The following FNDC3A variants were observed in gnomAD, a reference collection of about 807,000 sequenced individuals.
FNDC3A encodes fibronectin type III domain containing 3A.
FNDC3A carries 32 observed loss-of-function variants against 148.9 expected under a neutral mutation model. That is an observed-to-expected ratio of 0.21 (90% CI 0.16 to 0.29). The LOEUF (loss-of-function observed/expected upper bound fraction) is 0.29, where lower values mean the gene tolerates loss of function less well. FNDC3A is among the 10% of genes least tolerant of loss of function. The pLI is 1.00. For missense variants in FNDC3A, 1,191 were observed against 1,452.8 expected (o/e 0.82, Z 2.93); for synonymous variants, 472 against 473.6 (o/e 1.00, Z 0.04).
chr13:48,977,700 G>A (rs1404273520), intron 1 of FNDC3A, among the ~76,000 whole-genome samples: 2 of 152,192 alleles, frequency 1.3e-5, no homozygotes, highest in East Asian at 3.8e-4. Context: ...TAGCTTTGTA[G>A]CCTACTAATC....
chr13:49,174,933 G>C (rs187578034), intron 12 of FNDC3A, among the ~76,000 whole-genome samples: 1 of 152,288 alleles, frequency 6.6e-6, no homozygotes, highest in Non-Finnish European at 1.5e-5. Flanking sequence ...AAGAGTCATT[G>C]AAATTATTTT....
At chr13:49,191,654 AAT>A (rs1460313138) in intron 19 of FNDC3A, among the ~76,000 whole-genome samples, 1 of 152,190 alleles carries the variant, frequency 6.6e-6, no homozygotes, top group Non-Finnish European at 1.5e-5. Context: ...AGGCAGTGTT[AAT>A]AGAGTTTACT....
chr13:49,107,178 AATTTT>A (rs1214800275), intron 3 of FNDC3A, among the ~76,000 whole-genome samples: 1 of 152,202 alleles, frequency 6.6e-6, no homozygotes, highest in African/African-American at 2.4e-5. Flanking sequence ...GCATAATCAA[AATTTT>A]ATTTAAAATG....
In FNDC3A at chr13:49,016,423, T is replaced by G. The variant is rs1429481189; in HGVS notation, c.99+10134T>G. ...TTTGTAGTATTCTCTGATGGTAGTTTGTATTTCTGTGGGATCTGGTGATAT... is the reference window on the plus strand; with the variant it reads ...TTTGTAGTATTCTCTGATGGTAGTTGGTATTTCTGTGGGATCTGGTGATAT... On this transcript the variant is annotated intron_variant, in intron 2 of 25. Coordinates refer to ENST00000492622, the MANE Select transcript of FNDC3A (RefSeq NM_001079673.2). Among the ~76,000 whole-genome samples, 3 of 152,224 alleles carry G rather than the reference T, an allele frequency of 2.0e-5. No individual in the cohort carries two copies. The East Asian group carries it at 5.8e-4, about 29-fold the overall frequency.
intron 13 of FNDC3A, 106 bp downstream of exon 13, chr13:49,175,647 G>A: frequency 3.1e-6 from 2 of 649,486 alleles, no homozygotes; most frequent in South Asian, 2.2e-5. Context: ...CATGTCATCT[G>A]CAAATAGAGA....
chr13:49,015,848 C>G (rs1186455297), intron 2 of FNDC3A, among the ~76,000 whole-genome samples: 1 of 151,736 alleles, frequency 6.6e-6, no homozygotes, highest in Non-Finnish European at 1.5e-5. Flanking sequence ...TTTTCTGCAT[C>G]TATTGAGATA....
chr13:49,106,083 A>G (rs975521810), intron 3 of FNDC3A, among the ~76,000 whole-genome samples: 1 of 152,174 alleles, frequency 6.6e-6, no homozygotes. Context: ...AGTCTTAAAC[A>G]TGCCAGTCAT....
intron 2 of FNDC3A, among the ~76,000 whole-genome samples, chr13:49,026,339 G>C (rs951241141): frequency 4.6e-5 from 7 of 152,184 alleles, no homozygotes; most frequent in Admixed American, 4.6e-4. Flanking sequence ...TTTTTCAAAA[G>C]AGCATCTGAG....
chr13:49,183,287 G>A (rs1312599835), intron 14 of FNDC3A, among the ~76,000 whole-genome samples: 1 of 152,080 alleles, frequency 6.6e-6, no homozygotes, highest in East Asian at 1.9e-4. Context: ...CCTTTTCAAA[G>A]CCTTCCTAAA....
intron 3 of FNDC3A, among the ~76,000 whole-genome samples, chr13:49,095,084 C>T (rs900766253): frequency 5.9e-5 from 9 of 151,818 alleles, no homozygotes; most frequent in African/African-American, 2.4e-5. Context: ...AATAATTATA[C>T]AAGTGAAGTT....
At chr13:49,071,774 G>C (rs1238701099) in intron 2 of FNDC3A, among the ~76,000 whole-genome samples, 4 of 150,306 alleles carry the variant, frequency 2.7e-5, no homozygotes, top group African/African-American at 7.3e-5. Context: ...ACATATTCCA[G>C]TTATTAATGC....
chr13:49,105,166 G>A (rs1880096221), intron 3 of FNDC3A, among the ~76,000 whole-genome samples: 1 of 152,162 alleles, frequency 6.6e-6, no homozygotes, highest in Non-Finnish European at 1.5e-5. Context: ...AGTGAGATTG[G>A]CAAAAATTTA....
intron 4 of FNDC3A, among the ~76,000 whole-genome samples, chr13:49,130,638 G>A (rs1002604590): frequency 1.3e-5 from 2 of 152,032 alleles, no homozygotes; most frequent in African/African-American, 4.8e-5. Context: ...ATATTGAATT[G>A]TATAACAAAA....
intron 2 of FNDC3A, among the ~76,000 whole-genome samples, chr13:49,066,658 C>T (rs182101399): frequency 2.8e-4 from 43 of 151,708 alleles, no homozygotes; most frequent in African/African-American, 1.0e-3. Context: ...ATCAGAGATA[C>T]TTCAAAGCTT....
chr13:49,180,444 T>C (rs1199424429), intron 14 of FNDC3A, among the ~76,000 whole-genome samples: 1 of 152,230 alleles, frequency 6.6e-6, no homozygotes, highest in Non-Finnish European at 1.5e-5. Flanking sequence ...AATAATGCTA[T>C]GTCAATTTAA....
Position 49,185,893 on chromosome 13 carries a change from C to G in FNDC3A, c.1618-71C>G. ...TTGGTTGAAGCTGTTTGTCTCCTAT[C>G]ACTTTGTTTATTAAGCCAGTATCAT... On this transcript the variant is annotated intron_variant, in intron 14 of 25. Transcript: ENST00000492622. 4.9e-6 allele frequency: 6 copies of G among 1,212,754 alleles called. No individual in the cohort carries two copies. The Admixed American group carries it at 1.2e-4, about 25-fold the overall frequency. The allele number at this position is 1,212,754 out of a possible 1,614,324, so 75.1% of individuals were successfully genotyped here.
At chr13:49,071,061 C>CTTTTT (rs35935869) in intron 2 of FNDC3A, among the ~76,000 whole-genome samples, 15 of 84,716 alleles carry the variant, frequency 1.8e-4, no homozygotes, top group Non-Finnish European at 2.3e-4. Context: ...CCCATGCCGG[C>CTTTTT]TTTTTTTTTT....
intron 2 of FNDC3A, among the ~76,000 whole-genome samples, chr13:49,057,132 G>A (rs1165704354): frequency 6.6e-6 from 1 of 152,064 alleles, no homozygotes; most frequent in African/African-American, 2.4e-5. Flanking sequence ...TTTGTCTAGG[G>A]GTTTCTAGAT....
chr13:49,162,931 A>G (rs1201745359), intron 8 of FNDC3A, among the ~76,000 whole-genome samples: 1 of 152,060 alleles, frequency 6.6e-6, no homozygotes, highest in Non-Finnish European at 1.5e-5. Context: ...CCTAGGTATC[A>G]CCAGCGGAGG....
Sources: gnomAD v4.1 joint callset for allele counts (sites outside exome capture counted in the v4.1 genomes callset) on GRCh38, gnomAD v4.1.1 for gene constraint, MANE v1.5 for transcripts, NCBI Gene and HGNC (gene_info 2026-07-23, HGNC 2026-07-21) for gene names.